GALNTL6: variants seen among roughly 807,000 people sequenced by gnomAD.
GALNTL6 encodes polypeptide N-acetylgalactosaminyltransferase like 6, also known as polypeptide N-acetylgalactosaminyltransferase-like 6.
GALNTL6 carries 46 observed loss-of-function variants against 73.7 expected under a neutral mutation model. The observed-to-expected ratio is 0.62, with a 90% CI of 0.49 to 0.80. The LOEUF (loss-of-function observed/expected upper bound fraction) is 0.80, where lower values mean the gene tolerates loss of function less well. Among genes scored for constraint, GALNTL6 ranks in the 30% least tolerant of loss-of-function variants. The pLI, the probability that GALNTL6 is intolerant of heterozygous loss-of-function variation, is 0.00. For missense variants in GALNTL6, 604 were observed against 755.0 expected (o/e 0.80, Z 2.34); for synonymous variants, 259 against 263.7 (o/e 0.98, Z 0.17).
At chr4:172,919,221 C>T (rs928496130) in intron 8 of GALNTL6, among the ~76,000 whole-genome samples, 1 of 152,102 alleles carries the variant, frequency 6.6e-6, no homozygotes, top group African/African-American at 2.4e-5. Flanking sequence ...CGGGAGGAAG[C>T]TCGTGGAAAC....
intron 5 of GALNTL6, among the ~76,000 whole-genome samples, chr4:172,376,768 G>A (rs1009062829): frequency 6.6e-6 from 1 of 152,178 alleles, no homozygotes; most frequent in African/African-American, 2.4e-5. Flanking sequence ...TTGCCAAAAT[G>A]TATCTGGAAT....
At chr4:171,890,892 T>C (rs1167441965) in intron 2 of GALNTL6, among the ~76,000 whole-genome samples, 1 of 152,178 alleles carries the variant, frequency 6.6e-6, no homozygotes, top group Non-Finnish European at 1.5e-5. Flanking sequence ...GATTTCTTGT[T>C]TTGCTAATTA....
chr4:172,292,793 T>C (rs12502211), intron 3 of GALNTL6, among the ~76,000 whole-genome samples: 3 of 151,938 alleles, frequency 2.0e-5, no homozygotes, highest in Admixed American at 2.0e-4. Context: ...AAGAAATTAC[T>C]CTAATTGAAG....
chr4:172,834,836 GACAAA>G (rs1435953738), intron 7 of GALNTL6, among the ~76,000 whole-genome samples: 21 of 152,240 alleles, frequency 1.4e-4, no homozygotes, highest in Non-Finnish European at 4.4e-5. Context: ...TGAGGAGAAT[GACAAA>G]ACAATGTTCT....
intron 2 of GALNTL6, among the ~76,000 whole-genome samples, chr4:171,938,913 G>A (rs1445340509): frequency 6.6e-6 from 1 of 151,934 alleles, no homozygotes; most frequent in Non-Finnish European, 1.5e-5. Context: ...TTTTAACCAA[G>A]GTTTCACATC....
At chr4:172,427,338 C>T (rs1006696059) in intron 5 of GALNTL6, among the ~76,000 whole-genome samples, 2 of 152,080 alleles carry the variant, frequency 1.3e-5, no homozygotes, top group African/African-American at 2.4e-5. Flanking sequence ...GGGAACTCTC[C>T]TTTATAAAAC....
intron 5 of GALNTL6, among the ~76,000 whole-genome samples, chr4:172,679,957 A>G (rs943692604): frequency 7.2e-5 from 11 of 151,910 alleles, no homozygotes; most frequent in Non-Finnish European, 1.2e-4. Context: ...TTCAATGCTT[A>G]CCACCATCTT....
At chr4:172,733,478 A>T (rs1736271320) in intron 5 of GALNTL6, among the ~76,000 whole-genome samples, 1 of 152,020 alleles carries the variant, frequency 6.6e-6, no homozygotes, top group African/African-American at 2.4e-5. Context: ...GGGGTATTTG[A>T]TATGGTTTGG....
chr4:172,818,226 A>G (rs1409411967), intron 7 of GALNTL6, among the ~76,000 whole-genome samples: 1 of 152,222 alleles, frequency 6.6e-6, no homozygotes, highest in African/African-American at 2.4e-5. Flanking sequence ...GACTCTGTCA[A>G]CTATAAAAAT....
At chr4:172,141,353 A>G (rs1238097937) in intron 2 of GALNTL6, among the ~76,000 whole-genome samples, 1 of 152,084 alleles carries the variant, frequency 6.6e-6, no homozygotes, top group African/African-American at 2.4e-5. Context: ...TGAGGAAGGC[A>G]GGCAAAATAC....
intron 8 of GALNTL6, among the ~76,000 whole-genome samples, chr4:172,916,641 T>C (rs1267525419): frequency 6.6e-6 from 1 of 152,146 alleles, no homozygotes; most frequent in African/African-American, 2.4e-5. Context: ...TGAACTCCCA[T>C]TCACAATTGC....
At chr4:172,756,749 A>G (rs535275862) in intron 5 of GALNTL6, among the ~76,000 whole-genome samples, 2 of 152,280 alleles carry the variant, frequency 1.3e-5, no homozygotes, top group South Asian at 4.1e-4. Flanking sequence ...TGCCTCTTTT[A>G]GGACAAAGAC....
chr4:172,120,373 G>C (rs1053431154), intron 2 of GALNTL6, among the ~76,000 whole-genome samples: 2 of 152,098 alleles, frequency 1.3e-5, no homozygotes, highest in Non-Finnish European at 2.9e-5. Flanking sequence ...TTTGAAGGTG[G>C]TACCTGTTCC....
At chr4:171,953,224 ACGTG>A (rs1452644291) in intron 2 of GALNTL6, among the ~76,000 whole-genome samples, 1 of 87,808 alleles carries the variant, frequency 1.1e-5, no homozygotes, top group South Asian at 5.0e-4. Flanking sequence ...GCGCATGCGC[ACGTG>A]TGTGTGTGTG....
At chr4:172,859,679 A>G (rs1263443335) in intron 7 of GALNTL6, among the ~76,000 whole-genome samples, 1 of 152,218 alleles carries the variant, frequency 6.6e-6, no homozygotes, top group Non-Finnish European at 1.5e-5. Context: ...AGGGCTTAGC[A>G]GGAAGTAGAG....
At chr4:172,364,111 A>G (rs902896366) in intron 5 of GALNTL6, among the ~76,000 whole-genome samples, 2 of 152,212 alleles carry the variant, frequency 1.3e-5, no homozygotes, top group African/African-American at 4.8e-5. Context: ...TCAATAAAGC[A>G]GACCTTGATA....
chr4:172,294,282 T>A (rs1739582017), intron 3 of GALNTL6, among the ~76,000 whole-genome samples: 1 of 152,212 alleles, frequency 6.6e-6, no homozygotes, highest in African/African-American at 2.4e-5. Flanking sequence ...CTTTCTTTGA[T>A]AGTTTTTAGC....
At chr4:172,527,654 A>AT (rs1206527367) in intron 5 of GALNTL6, among the ~76,000 whole-genome samples, 1 of 152,168 alleles carries the variant, frequency 6.6e-6, no homozygotes, top group African/African-American at 2.4e-5. Context: ...TTAAGAGCCT[A>AT]TTGCAGTGCT....
At chr4:172,998,404 T>G (rs71607902) in intron 10 of GALNTL6, among the ~76,000 whole-genome samples, 9 of 152,258 alleles carry the variant, frequency 5.9e-5, no homozygotes, top group African/African-American at 9.6e-5. Context: ...ATGAATTATG[T>G]TAGGGCTTAT....
Sources: allele counts gnomAD v4.1 joint callset (sites outside exome capture counted in the v4.1 genomes callset), GRCh38; gene constraint gnomAD v4.1.1; transcripts MANE v1.5; gene names NCBI Gene and HGNC (gene_info 2026-07-23, HGNC 2026-07-21).